Variants in NBPF9 observed in about 807,000 individuals in gnomAD.
NBPF9 encodes NBPF member 9.
NBPF9 carries 91 observed loss-of-function variants against 97.8 expected under a neutral mutation model. The ratio of observed to expected loss-of-function variants is 0.93; its 90% confidence interval spans 0.79 to 1.11. The LOEUF (loss-of-function observed/expected upper bound fraction) is 1.11, where lower values mean the gene tolerates loss of function less well. NBPF9 is among the 50% of genes least tolerant of loss of function. The pLI, the probability that NBPF9 is intolerant of heterozygous loss-of-function variation, is 0.00. For missense variants in NBPF9, 992 were observed against 939.5 expected (o/e 1.06, Z -0.73); for synonymous variants, 334 against 359.5 (o/e 0.93, Z 0.80).
chr1:149,100,760 C>A (rs2082094073), intron 3 of NBPF9, among the ~76,000 whole-genome samples: 1 of 151,894 alleles, frequency 6.6e-6, no homozygotes. Context: ...ATGTTGAATC[C>A]CCATCTCTAC....
intron 17 of NBPF9, among the ~76,000 whole-genome samples, chr1:149,068,164 GC>G (rs1407411560): frequency 2.0e-5 from 3 of 149,114 alleles, no homozygotes; most frequent in Non-Finnish European, 1.5e-5. Context: ...ACCAGCCACT[GC>G]AAAAACATGC....
At chr1:149,095,337 TA>T (rs2081672945) in intron 4 of NBPF9, among the ~76,000 whole-genome samples, 1 of 145,614 alleles carries the variant, frequency 6.9e-6, no homozygotes, top group Admixed American at 6.9e-5. Flanking sequence ...CACGTAAATG[TA>T]AGGTGCAAAA....
Position 149,064,798 on chromosome 1 carries a change from G to C in NBPF9, c.1802-316C>G, listed in dbSNP as rs2078923585. 6 of 579,188 alleles carry C rather than the reference G, an allele frequency of 1.0e-5. No homozygotes were observed. In the East Asian group the frequency reaches 1.9e-4, roughly 18 times the overall value. The allele number at this position is 579,188 out of a possible 1,614,324, so 35.9% of individuals were successfully genotyped here. A position where few individuals can be genotyped will look rare whatever the true frequency, so the allele number is the denominator to read the frequency against. On this transcript the variant is annotated intron_variant, in intron 18 of 29. Coordinates refer to ENST00000584027, the Ensembl canonical transcript of NBPF9. The stretch of plus-strand genomic sequence containing the variant: ...CAAATAGTTCTAACACCTCATAGGA[G>C]AGATACTTCAATATTAAGCTTTCTC...
At chr1:149,064,698 T>C (rs1161622532) in intron 18 of NBPF9, 3 of 616,060 alleles carry the variant, frequency 4.9e-6, no homozygotes, top group East Asian at 5.6e-5. Context: ...TGTGTTGGAA[T>C]GTTATCTTCC....
chr1:149,061,474 G>C (rs1315527114), intron 22 of NBPF9, 91 bp from the exon 23 acceptor site: 1 of 456,894 alleles, frequency 2.2e-6, no homozygotes. Context: ...AGGGATCTCA[G>C]GCTCCTCAGC....
At chr1:149,069,125 G>A (rs2079211239) in intron 17 of NBPF9, among the ~76,000 whole-genome samples, 1 of 151,976 alleles carries the variant, frequency 6.6e-6, no homozygotes, top group Non-Finnish European at 1.5e-5. Context: ...TTAAAGCAAT[G>A]TGTAGAGGGA....
At chr1:149,102,111 TAG>T (rs1385552107) in intron 2 of NBPF9, among the ~76,000 whole-genome samples, 1 of 103,418 alleles carries the variant, frequency 9.7e-6, no homozygotes, top group Admixed American at 1.0e-4. Context: ...GTAATTTTAG[TAG>T]AGATAGGGTT....
intron 4 of NBPF9, among the ~76,000 whole-genome samples, chr1:149,095,485 C>T (rs1228581741): frequency 6.8e-6 from 1 of 147,656 alleles, no homozygotes; most frequent in Non-Finnish European, 1.5e-5. Context: ...AAATTAAAAA[C>T]TTCTGTTGTG....
intron 5 of NBPF9, among the ~76,000 whole-genome samples, chr1:149,084,464 A>G (rs1406815371): frequency 6.8e-6 from 1 of 147,454 alleles, no homozygotes; most frequent in Non-Finnish European, 1.5e-5. Context: ...TAAGTGGCGG[A>G]GCGAGGGCTA....
rs782525600 is a variant in NBPF9, at chr1:149,062,173, A to G, written c.2171T>C (p.Leu724Pro). Reference sequence around the variant, plus strand: ...GCTGTAGGGCTGGCCTAAGTCAGGCAGTTCAAGATAACCTGAAGGAGTCGA... The same window carrying G: ...GCTGTAGGGCTGGCCTAAGTCAGGCGGTTCAAGATAACCTGAAGGAGTCGA... Residue 724 changes from leucine (L) to proline (P), a missense_variant, in exon 22 of 30, where the codon CTG becomes CCG. Transcript: ENST00000584027. 4 of 904,286 alleles carry G rather than the reference A, an allele frequency of 4.4e-6. No individual in the cohort carries two copies. The East Asian group carries it at 9.7e-5, about 22-fold the overall frequency. 56.0% of individuals were successfully genotyped at this position (904,286 alleles called of 1,614,324 possible). A position where few individuals can be genotyped will look rare whatever the true frequency, so the allele number is the denominator to read the frequency against.
At chr1:149,076,088 G>C (rs1458350450) in intron 11 of NBPF9, among the ~76,000 whole-genome samples, 2 of 152,064 alleles carry the variant, frequency 1.3e-5, no homozygotes, top group Non-Finnish European at 2.9e-5. Flanking sequence ...CACTTTTCTT[G>C]CTTATACGTT....
rs75966755 is a variant in NBPF9, at chr1:149,061,080, A to G, written c.2303+252T>C. 2.5e-4 allele frequency: 108 copies of G among 425,388 alleles called. 19 individuals carry two copies. Among genetic ancestry groups the G allele is most frequent in the Middle Eastern group, 7.8e-4 (1 of 1,282 alleles). 26.4% of individuals were successfully genotyped at this position (425,388 alleles called of 1,614,324 possible). A position where few individuals can be genotyped will look rare whatever the true frequency, so the allele number is the denominator to read the frequency against. On this transcript the variant is annotated intron_variant, in intron 23 of 29. Coordinates refer to ENST00000584027, the Ensembl canonical transcript of NBPF9. ...ATAATTTTCCATAAAATGTGCTCAA[A>G]TTTCCATGCAGTCGCCATGAGAATA...
chr1:149,095,533 C>T (rs1262201324), intron 4 of NBPF9, among the ~76,000 whole-genome samples: 1 of 144,526 alleles, frequency 6.9e-6, no homozygotes, highest in Admixed American at 7.1e-5. Context: ...AAGCAAGTCA[C>T]AGACTGGGAG....
At chr1:149,078,123 G>C (rs74510542) in intron 9 of NBPF9, among the ~76,000 whole-genome samples, 168 bp from the exon 10 acceptor site, 1 of 149,598 alleles carries the variant, frequency 6.7e-6, no homozygotes, top group African/African-American at 2.5e-5. Context: ...CTGCTCCATC[G>C]GGCAATGCAT....
Position 149,059,501 on chromosome 1 carries a change from C to A in NBPF9, c.2585+199G>T. 7.5e-6 allele frequency: 3 copies of A among 400,494 alleles called. 1 individual carries two copies. Among genetic ancestry groups the A allele is most frequent in the Admixed American group, 4.3e-5 (1 of 23,382 alleles). The allele number at this position is 400,494 out of a possible 1,614,324, so 24.8% of individuals were successfully genotyped here. A position where few individuals can be genotyped will look rare whatever the true frequency, so the allele number is the denominator to read the frequency against. ...AGTACAGCTTTTGAAGTATGGTCAA[C>A]CTATGGTACGTTAGGAAATGATAAG... On this transcript the variant is annotated intron_variant, in intron 25 of 29. Transcript: ENST00000584027.
exon 30 of NBPF9, chr1:149,055,652 C>G: frequency 6.2e-7 from 1 of 1,611,808 alleles, no homozygotes; most frequent in Admixed American, 1.7e-5. Context: ...TTAGTAAGGG[C>G]TGCTTATTGT....
intron 22 of NBPF9, chr1:149,061,737 T>C: frequency 3.8e-6 from 1 of 265,102 alleles, no homozygotes; most frequent in Non-Finnish European, 6.8e-6. Flanking sequence ...CCCAGCTCGT[T>C]CATGGATGCA....
chr1:149,064,769 T>A, intron 18 of NBPF9: 1 of 603,640 alleles, frequency 1.7e-6, no homozygotes, highest in South Asian at 2.0e-5. Flanking sequence ...CAATAAATTG[T>A]AGGCAAATAG....
chr1:149,075,449 C>A lies in NBPF9; in HGVS notation c.988+206G>T, dbSNP rs587594216. Among the ~76,000 whole-genome samples the A allele has an allele frequency of 6.6e-5, 10 of 152,222 alleles. No homozygotes were observed. In the South Asian group the frequency reaches 1.0e-3, roughly 16 times the overall value. On this transcript the variant is annotated intron_variant, in intron 12 of 29. Transcript: ENST00000584027. ...AATGGCAGTTTAACTCTAGTCCCAC[C>A]CCCACCTGATTGCAAACATGGAAAG...
Sources: gnomAD v4.1 joint callset for allele counts (sites outside exome capture counted in the v4.1 genomes callset) on GRCh38, gnomAD v4.1.1 for gene constraint, MANE v1.5 for transcripts, NCBI Gene and HGNC (gene_info 2026-07-23, HGNC 2026-07-21) for gene names.